SSH1: variants seen among roughly 807,000 people sequenced by gnomAD.
SSH1 encodes the protein protein phosphatase Slingshot homolog 1.
Under a neutral mutation model 79.7 loss-of-function variants are expected in SSH1, and 43 were observed. That is an observed-to-expected ratio of 0.54 (90% confidence interval 0.42 to 0.70). SSH1 has a LOEUF of 0.70. Ranked by LOEUF, SSH1 falls within the 30% of genes least tolerant of loss-of-function variation. The pLI, the probability that SSH1 is intolerant of heterozygous loss-of-function variation, is 0.00. For synonymous variants in SSH1, 599 were observed against 538.3 expected, an observed-to-expected ratio of 1.11 and a Z score of -1.56; for missense variants, 1,206 against 1,358.8, an observed-to-expected ratio of 0.89 and a Z score of 1.77.
At chr12:108,831,610 A>G (rs1287007730) in intron 2 of SSH1, among the ~76,000 whole-genome samples, 2 of 152,154 alleles carry the variant, frequency 1.3e-5, no homozygotes, top group East Asian at 3.8e-4. Flanking sequence ...ACGTACACAC[A>G]GGGGTTCAGG....
At chr12:108,789,265 G>A (rs764719146) in intron 14 of SSH1, 21 bp from the exon 15 acceptor site, 2 of 1,580,266 alleles carry the variant, frequency 1.3e-6, no homozygotes, top group Non-Finnish European at 1.7e-6. Context: ...GGGGACAAGA[G>A]CATGGTGAGA....
intron 2 of SSH1, among the ~76,000 whole-genome samples, chr12:108,847,801 C>T (rs1453571105): frequency 6.6e-6 from 1 of 152,110 alleles, no homozygotes; most frequent in Non-Finnish European, 1.5e-5. Flanking sequence ...GAAATGAGGC[C>T]GTCACTAAGG....
chr12:108,837,304 G>C (rs2038660046), intron 2 of SSH1, among the ~76,000 whole-genome samples: 2 of 152,190 alleles, frequency 1.3e-5, no homozygotes, highest in African/African-American at 2.4e-5. Flanking sequence ...CCAGACTGCA[G>C]GAGAGCCAAG....
intron 14 of SSH1, among the ~76,000 whole-genome samples, chr12:108,791,187 G>A (rs1054619973): frequency 2.6e-5 from 4 of 152,206 alleles, no homozygotes; most frequent in African/African-American, 9.7e-5. Flanking sequence ...TTGACTCACT[G>A]CAACCTCTGC....
intron 5 of SSH1, among the ~76,000 whole-genome samples, chr12:108,815,401 A>C (rs2037837630): frequency 6.6e-6 from 1 of 152,240 alleles, no homozygotes; most frequent in Non-Finnish European, 1.5e-5. Flanking sequence ...TAGGATCAAG[A>C]CATTGGGCAC....
chr12:108,791,421 T>A (rs980179519), intron 14 of SSH1, among the ~76,000 whole-genome samples: 3 of 152,158 alleles, frequency 2.0e-5, no homozygotes, highest in African/African-American at 4.8e-5. Context: ...TCAGTTTTTT[T>A]AAAAGGTGAC....
Position 108,853,124 on chromosome 12 carries a change from C to G in SSH1, c.70-446G>C, listed in dbSNP as rs968581710. The G allele has an allele frequency of 4.1e-6, 4 of 985,294 alleles. No homozygotes were observed. The African/African-American group carries it at 7.0e-5, about 17-fold the overall frequency. The allele number at this position is 985,294 out of a possible 1,614,324, so 61.0% of individuals were successfully genotyped here. On this transcript the variant is annotated intron_variant, in intron 1 of 14. Coordinates refer to ENST00000326495, the MANE Select transcript of SSH1 (RefSeq NM_018984.4). ...ATGAACACCATTTTCAAAAAACCAA[C>G]CCAGGCAAGACTTGCACAGTGGAAG...
intron 13 of SSH1, among the ~76,000 whole-genome samples, chr12:108,797,382 G>A (rs747398377): frequency 2.2e-4 from 34 of 152,002 alleles, no homozygotes; most frequent in Non-Finnish European, 3.7e-4. Context: ...AGACAGGTGC[G>A]GGTCCCTGGC....
At chr12:108,816,826 G>C (rs201056947) in intron 5 of SSH1, among the ~76,000 whole-genome samples, 2 of 135,178 alleles carry the variant, frequency 1.5e-5, no homozygotes, top group Non-Finnish European at 3.2e-5. Flanking sequence ...TCAATTGACT[G>C]AGTTCTGAGA....
chr12:108,818,088 T>G (rs2037972908), intron 4 of SSH1, among the ~76,000 whole-genome samples, 161 bp downstream of exon 4: 1 of 152,040 alleles, frequency 6.6e-6, no homozygotes, highest in Non-Finnish European at 1.5e-5. Context: ...GTCCCAGCTA[T>G]CCAGGAGGCT....
At position 108,791,865 on chromosome 12, in the gene SSH1, G is replaced by A. The variant is rs2136976954; in HGVS notation, c.1893+421C>T. The A allele has an allele frequency of 6.2e-6, 7 of 1,120,212 alleles. No homozygotes were observed. The South Asian group carries it at 2.7e-4, about 44-fold the overall frequency. 69.4% of individuals were successfully genotyped at this position (1,120,212 alleles called of 1,614,324 possible). ...GGTTCCAGGATCATCAGGGGTGTGG[G>A]GAAGTGGGTGGTAGGGGTGAGATGA... On this transcript the variant is annotated intron_variant, in intron 14 of 14. Transcript: ENST00000326495.
chr12:108,792,032 A>G, intron 14 of SSH1: 2 of 1,436,022 alleles, frequency 1.4e-6, no homozygotes, highest in Admixed American at 2.9e-5. Flanking sequence ...GTGTGCAGAG[A>G]TATGTGTTAT....
In SSH1 at chr12:108,792,739, CAAG is replaced by C. The variant is rs770663104; in HGVS notation, c.1437_1439del (p.Phe479del). 5 of 1,613,762 alleles carry C rather than the reference CAAG, an allele frequency of 3.1e-6. No individual in the cohort carries two copies. The African/African-American group carries it at 6.7e-5, about 22-fold the overall frequency. On this transcript the variant is annotated inframe_deletion, in exon 14 of 15. Coordinates refer to ENST00000326495, the MANE Select transcript of SSH1 (RefSeq NM_018984.4). ...CCGGGGTGCCATCTGGGGTCTCTGGCAAGAAGTCGCCAGGTCCTGCAGGGTCAT... is the reference window on the plus strand; with the variant it reads ...CCGGGGTGCCATCTGGGGTCTCTGGCAAGTCGCCAGGTCCTGCAGGGTCAT...
intron 2 of SSH1, among the ~76,000 whole-genome samples, chr12:108,837,503 G>A (rs1002361171): frequency 2.0e-5 from 3 of 152,138 alleles, no homozygotes; most frequent in African/African-American, 4.8e-5. Context: ...GTATTCCAAG[G>A]GTAATGGAGT....
At position 108,792,256 on chromosome 12, in the gene SSH1, G is replaced by T. The variant is rs1416802186; in HGVS notation, c.1893+30C>A. 3 of 1,614,032 alleles carry T rather than the reference G, an allele frequency of 1.9e-6. No individual in the cohort carries two copies. In the African/African-American group the frequency reaches 4.0e-5, roughly 22 times the overall value. On this transcript the variant is annotated intron_variant, in intron 14 of 14. Transcript: ENST00000326495. ...TAGAGTGGGATGGAAGGGATGGGGT[G>T]TGCCACCCTGCAGGCCGGGCTCTGC...
At position 108,778,430 on chromosome 12, in the gene SSH1, C is replaced by T. The variant is rs929153778; in HGVS notation, c.*9558G>A. 6.6e-6 allele frequency: 1 copy of T among 152,216 alleles called. No homozygotes were observed. The highest frequency in any genetic ancestry group is 2.4e-5 in the African/African-American group (1 of 41,438). 9.4% of individuals were successfully genotyped at this position (152,216 alleles called of 1,614,324 possible). On this transcript the variant is annotated 3_prime_UTR_variant, in exon 15 of 15. Coordinates refer to ENST00000326495, the MANE Select transcript of SSH1 (RefSeq NM_018984.4). ...AATTGCATGAATTTGGAGTCAGGCA[C>T]TCCCAGCCTCTGCCCCTTCCTGGCT...
At chr12:108,790,698 A>G (rs777651476) in intron 14 of SSH1, among the ~76,000 whole-genome samples, 1 of 152,206 alleles carries the variant, frequency 6.6e-6, no homozygotes, top group Non-Finnish European at 1.5e-5. Context: ...GACAGATGCA[A>G]CTGCCCAGTT....
intron 2 of SSH1, chr12:108,827,521 CTT>C (rs2038356066): frequency 1.6e-6 from 2 of 1,284,908 alleles, no homozygotes; most frequent in East Asian, 3.0e-5. Flanking sequence ...TTGTGGAACT[CTT>C]GTCTTCCTCT....
chr12:108,827,335 T>A, intron 2 of SSH1: 1 of 1,547,316 alleles, frequency 6.5e-7, no homozygotes, highest in Non-Finnish European at 8.7e-7. Flanking sequence ...GTCGGTAAAA[T>A]AAAAGAGGTT....
Sources: gnomAD v4.1 joint callset for allele counts (sites outside exome capture counted in the v4.1 genomes callset) on GRCh38, gnomAD v4.1.1 for gene constraint, MANE v1.5 for transcripts, NCBI Gene and HGNC (gene_info 2026-07-23, HGNC 2026-07-21) for gene names.